USH2A: variants seen among roughly 807,000 people sequenced by gnomAD.
USH2A encodes the protein usherin, also known as Usher syndrome 2A (autosomal recessive, mild).
Under a neutral mutation model 538.9 loss-of-function variants are expected in USH2A, and 443 were observed. The observed-to-expected ratio is 0.82, with a 90% CI of 0.76 to 0.89. The LOEUF is 0.89. USH2A is among the 40% of genes least tolerant of loss of function. The probability of loss-of-function intolerance (pLI) is 0.00; values close to 1 mark genes in which losing one functional copy is unlikely to be tolerated. For missense variants in USH2A, 6,633 were observed against 6,324.8 expected, an observed-to-expected ratio of 1.05 and a Z score of -1.65; for synonymous variants, 2,413 against 2,273.5, an observed-to-expected ratio of 1.06 and a Z score of -1.75.
chr1:216,071,108 C>G (rs555716681), intron 29 of USH2A, among the ~76,000 whole-genome samples: 2 of 152,074 alleles, frequency 1.3e-5, no homozygotes, highest in Non-Finnish European at 2.9e-5. Flanking sequence ...AAAGAAAGAG[C>G]CCAAGGAACT....
chr1:216,362,668 T>C (rs1009406997), intron 4 of USH2A, among the ~76,000 whole-genome samples: 1 of 151,948 alleles, frequency 6.6e-6, no homozygotes, highest in Non-Finnish European at 1.5e-5. Flanking sequence ...TACGGCAGGG[T>C]GCGGTGGCTC....
intron 15 of USH2A, among the ~76,000 whole-genome samples, chr1:216,208,639 ACCCT>A (rs2035172111): frequency 6.6e-6 from 1 of 152,082 alleles, no homozygotes; most frequent in Non-Finnish European, 1.5e-5. Context: ...TCTCAAGCCA[ACCCT>A]GAACCCTGGG....
At position 216,323,657 on chromosome 1, in the gene USH2A, A is replaced by T. The variant is rs774820032; in HGVS notation, c.1367T>A (p.Ile456Asn). ...ACGATAATTTGGTCCAGGTGTCAGG[A>T]TGCTAAATGTGACATTGCCACGGGA... ...PYSRGNVTFS[I>N]LTPGPNYRPG... Residue 456 changes from isoleucine to asparagine, a missense_variant, in exon 8 of 72, where the codon ATC becomes AAC. Transcript: ENST00000307340. The T allele has an allele frequency of 2.5e-6, 4 of 1,613,644 alleles. No individual in the cohort carries two copies. In the South Asian group the frequency reaches 4.4e-5, roughly 18 times the overall value.
chr1:215,848,648 C>T (rs938628779), intron 44 of USH2A, among the ~76,000 whole-genome samples: 5 of 152,190 alleles, frequency 3.3e-5, no homozygotes, highest in African/African-American at 1.2e-4. Flanking sequence ...TATGGAGGCT[C>T]TTGAGAACAG....
chr1:215,780,957 C>T (rs1186213876), intron 54 of USH2A, among the ~76,000 whole-genome samples: 1 of 152,240 alleles, frequency 6.6e-6, no homozygotes, highest in East Asian at 1.9e-4. Context: ...AGAATCAGAG[C>T]TACTCTGTGT....
At chr1:216,296,369 G>A (rs566885964) in intron 9 of USH2A, among the ~76,000 whole-genome samples, 15 of 151,966 alleles carry the variant, frequency 9.9e-5, no homozygotes, top group Non-Finnish European at 1.8e-4. Flanking sequence ...TAGTTGTCCC[G>A]CTTCTCATCT....
At chr1:215,718,223 G>T (rs1387391452) in intron 61 of USH2A, among the ~76,000 whole-genome samples, 2 of 152,162 alleles carry the variant, frequency 1.3e-5, no homozygotes, top group Non-Finnish European at 2.9e-5. Context: ...GTGGGTGTGG[G>T]TCATTGCATT....
At chr1:216,172,999 G>A (rs1286803766) in intron 21 of USH2A, among the ~76,000 whole-genome samples, 1 of 152,076 alleles carries the variant, frequency 6.6e-6, no homozygotes, top group African/African-American at 2.4e-5. Context: ...GTGGCACAAT[G>A]GGCAAGTCAC....
chr1:215,794,559 GA>G (rs1463990954), intron 50 of USH2A, among the ~76,000 whole-genome samples: 1 of 152,078 alleles, frequency 6.6e-6, no homozygotes, highest in Non-Finnish European at 1.5e-5. Flanking sequence ...GCAGAGAGAG[GA>G]AAAATACATG....
chr1:216,085,208 A>G, intron 24 of USH2A: 1 of 285,684 alleles, frequency 3.5e-6, no homozygotes, highest in Non-Finnish European at 6.8e-6. Flanking sequence ...TATAATTTTA[A>G]AAGTTAGATT....
rs1271923068 is a variant in USH2A at position 216,083,600 on chromosome 1, A to T, written c.5168-14T>A. On this transcript the variant is annotated splice_polypyrimidine_tract_variant and intron_variant, in intron 25 of 71. Coordinates refer to ENST00000307340, the MANE Select transcript of USH2A (RefSeq NM_206933.4). ...GTTCCAGGAACCCTTTAAAGATAAA[A>T]ATATGTACATATTAGCATGTGTAAC... The T allele has an allele frequency of 6.2e-7, 1 of 1,611,096 alleles. No homozygotes were observed. The highest frequency in any genetic ancestry group is 1.1e-5 in the South Asian group (1 of 90,866).
At chr1:216,099,616 A>T (rs2102575207) in intron 21 of USH2A, among the ~76,000 whole-genome samples, 1 of 152,292 alleles carries the variant, frequency 6.6e-6, no homozygotes, top group South Asian at 2.1e-4. Context: ...TGGGAGAATA[A>T]GACAAGGACA....
chr1:216,345,704 C>T (rs1046066372), intron 4 of USH2A, among the ~76,000 whole-genome samples: 9 of 152,024 alleles, frequency 5.9e-5, no homozygotes, highest in South Asian at 2.1e-4. Flanking sequence ...AAGAGGGGTA[C>T]CTTAGGATAG....
At position 215,680,410 on chromosome 1, in the gene USH2A, T is replaced by G. The variant is rs766141770; in HGVS notation, c.12067-34A>C. ...AAATTAACAGGTTAAGTTGTTGTTTTTTTTTTTTGAAACTGACAATATTGC... is the reference window on the plus strand; with the variant it reads ...AAATTAACAGGTTAAGTTGTTGTTTGTTTTTTTTGAAACTGACAATATTGC... On this transcript the variant is annotated intron_variant, in intron 61 of 71. Transcript: ENST00000307340. 2.8e-5 allele frequency: 45 copies of G among 1,607,690 alleles called. 1 individual carries two copies. The East Asian group carries it at 5.1e-4, about 18-fold the overall frequency.
At chr1:215,711,940 A>C (rs1233512840) in intron 61 of USH2A, among the ~76,000 whole-genome samples, 7 of 152,196 alleles carry the variant, frequency 4.6e-5, no homozygotes, top group Non-Finnish European at 8.8e-5. Context: ...TCACCCAGCC[A>C]CAGGGACCTG....
At chr1:215,788,175 G>C (rs1303351442) in intron 51 of USH2A, among the ~76,000 whole-genome samples, 1 of 152,148 alleles carries the variant, frequency 6.6e-6, no homozygotes, top group African/African-American at 2.4e-5. Context: ...ACAAGACAGT[G>C]CATACCTTTT....
At chr1:215,966,034 T>C (rs1667338683) in intron 36 of USH2A, among the ~76,000 whole-genome samples, 1 of 151,652 alleles carries the variant, frequency 6.6e-6, no homozygotes, top group Non-Finnish European at 1.5e-5. Context: ...TTGCTATCAG[T>C]TATGTAAAAA....
intron 49 of USH2A, 86 bp downstream of exon 49, chr1:215,813,650 T>C (rs866858551): frequency 6.5e-7 from 1 of 1,538,412 alleles, no homozygotes. Context: ...GAGAGGGAGG[T>C]GTTTGAAATA....
At chr1:215,724,202 G>GAT (rs1377210862) in intron 61 of USH2A, among the ~76,000 whole-genome samples, 1 of 132,522 alleles carries the variant, frequency 7.5e-6, no homozygotes, top group Non-Finnish European at 1.6e-5. Flanking sequence ...TATATATATG[G>GAT]ATATATATAG....
Sources: allele counts gnomAD v4.1 joint callset (sites outside exome capture counted in the v4.1 genomes callset), GRCh38; gene constraint gnomAD v4.1.1; transcripts MANE v1.5; gene names NCBI Gene and HGNC (gene_info 2026-07-23, HGNC 2026-07-21).